BAG4: variants seen among roughly 807,000 people sequenced by gnomAD.
BAG4 encodes the protein BAG family molecular chaperone regulator 4.
Under a neutral mutation model 52.1 loss-of-function variants are expected in BAG4, and 28 were observed. The ratio of observed to expected loss-of-function variants is 0.54; its 90% CI spans 0.40 to 0.74. The LOEUF (loss-of-function observed/expected upper bound fraction) is 0.74, where lower values mean the gene tolerates loss of function less well. BAG4 is among the 30% of genes least tolerant of loss of function. BAG4 has a pLI of 0.00. For synonymous variants in BAG4, 208 were observed against 217.0 expected, an observed-to-expected ratio of 0.96 and a Z score of 0.37; for missense variants, 525 against 572.0, an observed-to-expected ratio of 0.92 and a Z score of 0.84.
chr8:38,186,120 G>A (rs947293180), intron 1 of BAG4, among the ~76,000 whole-genome samples: 2 of 152,112 alleles, frequency 1.3e-5, no homozygotes, highest in African/African-American at 4.8e-5. Flanking sequence ...TGTCACTGAG[G>A]CAAAATTCTA....
rs551837982 is a variant in BAG4, at chr8:38,211,972, C to G, written c.*1479C>G. 2 of 152,018 alleles carry G rather than the reference C, an allele frequency of 1.3e-5. No homozygotes were observed. The highest frequency in any genetic ancestry group is 2.9e-5 in the Non-Finnish European group (2 of 67,974). 9.4% of individuals were successfully genotyped at this position (152,018 alleles called of 1,614,324 possible). A position where few individuals can be genotyped will look rare whatever the true frequency, so the allele number is the denominator to read the frequency against. On this transcript the variant is annotated 3_prime_UTR_variant, in exon 5 of 5. Transcript: ENST00000287322. Reference sequence around the variant, plus strand: ...AGACTGTCAGGCCTATGAGTAAATACTAAATCTATTAGCTGTCCCCACTCA... The same window carrying G: ...AGACTGTCAGGCCTATGAGTAAATAGTAAATCTATTAGCTGTCCCCACTCA...
chr8:38,209,746 T>A (rs543222533), intron 4 of BAG4, among the ~76,000 whole-genome samples: 8 of 152,338 alleles, frequency 5.3e-5, no homozygotes, highest in African/African-American at 1.9e-4. Context: ...TATGAGGTGC[T>A]CATGGTGATG....
intron 1 of BAG4, among the ~76,000 whole-genome samples, chr8:38,181,363 A>G (rs1162227074): frequency 1.3e-5 from 2 of 150,690 alleles, no homozygotes; most frequent in African/African-American, 4.9e-5. Flanking sequence ...GCTCCCAAGT[A>G]GCTGGGATTA....
At chr8:38,198,088 A>T (rs1803593280) in intron 2 of BAG4, among the ~76,000 whole-genome samples, 1 of 152,086 alleles carries the variant, frequency 6.6e-6, no homozygotes, top group Non-Finnish European at 1.5e-5. Context: ...CAGCTGTACA[A>T]AAATGTTTCC....
intron 1 of BAG4, 68 bp from the exon 2 acceptor site, chr8:38,192,620 C>T (rs1012524459): frequency 1.8e-5 from 22 of 1,252,310 alleles, no homozygotes; most frequent in Admixed American, 8.8e-5. Flanking sequence ...TAACCTGCCT[C>T]TATCAATCTA....
intron 3 of BAG4, 105 bp from the exon 4 acceptor site, chr8:38,208,908 A>G: frequency 1.5e-6 from 2 of 1,317,170 alleles, no homozygotes; most frequent in Non-Finnish European, 2.1e-6. Context: ...CAGCTAATGT[A>G]TACTCTGTTA....
chr8:38,188,257 A>G (rs571918341), intron 1 of BAG4, among the ~76,000 whole-genome samples: 2 of 152,192 alleles, frequency 1.3e-5, no homozygotes, highest in East Asian at 3.9e-4. Flanking sequence ...AGCTATATCA[A>G]TAATATTAAA....
rs751591648 is a variant in BAG4 at position 38,210,325 on chromosome 8, A to G, written c.1206A>G (p.Gly402=). ...YLEQEVEEFV[G]KKTDKAYWLL... ...AACAAGAAGTAGAAGAATTTGTAGG[A>G]AAAAAGACAGACAAAGCATACTGGC... Residue 402 remains glycine, a synonymous_variant, in exon 5 of 5, where the codon GGA becomes GGG. Coordinates refer to ENST00000287322, the MANE Select transcript of BAG4 (RefSeq NM_004874.4). 2.5e-6 allele frequency: 4 copies of G among 1,614,180 alleles called. No homozygotes were observed. Among genetic ancestry groups the G allele is most frequent in the Admixed American group, 1.7e-5 (1 of 60,026 alleles).
intron 2 of BAG4, chr8:38,201,683 T>C (rs1803663533): frequency 6.6e-6 from 1 of 151,650 alleles, no homozygotes; most frequent in African/African-American, 2.4e-5. Flanking sequence ...CAGTATCATG[T>C]CTTTACCTTC....
rs1416398243 is a variant in BAG4 at position 38,192,698 on chromosome 8, C to T, written c.281C>T (p.Pro94Leu). Residue 94 changes from proline (P) to leucine (L), a missense_variant, in exon 2 of 5, where the codon CCA becomes CTA. This residue lies in a region of BAG4 where 287 missense variants were observed against 266.1 expected (regional missense o/e 1.08). Coordinates refer to ENST00000287322, the MANE Select transcript of BAG4 (RefSeq NM_004874.4). ...RAGGSHQEQP[P>L]YPSYNSNYWN... ...TTCTTTTTTTCTTAGGAGCAGCCAC[C>T]ATATCCTAGCTACAATTCTAACTAT... 1 of 1,609,648 alleles carries T rather than the reference C, an allele frequency of 6.2e-7. No individual in the cohort carries two copies. Among genetic ancestry groups the T allele is most frequent in the African/African-American group, 1.3e-5 (1 of 74,746 alleles).
At chr8:38,191,952 T>C (rs1361130384) in intron 1 of BAG4, among the ~76,000 whole-genome samples, 2 of 152,180 alleles carry the variant, frequency 1.3e-5, no homozygotes, top group Non-Finnish European at 1.5e-5. Flanking sequence ...GAAAGGCTGA[T>C]GAAATTATTG....
chr8:38,202,611 G>T (rs1363824718), intron 2 of BAG4, among the ~76,000 whole-genome samples: 1 of 147,192 alleles, frequency 6.8e-6, no homozygotes, highest in Non-Finnish European at 1.5e-5. Context: ...CATGATCACA[G>T]CTCACTGCAG....
intron 2 of BAG4, among the ~76,000 whole-genome samples, chr8:38,203,663 A>G (rs1803721795): frequency 6.6e-6 from 1 of 151,698 alleles, no homozygotes; most frequent in Admixed American, 6.6e-5. Context: ...ATTTTTTGTG[A>G]GTTTTTAGAA....
intron 1 of BAG4, among the ~76,000 whole-genome samples, chr8:38,181,320 C>T (rs921996391): frequency 1.4e-5 from 2 of 147,082 alleles, no homozygotes; most frequent in African/African-American, 5.0e-5. Flanking sequence ...CTGCAACCTC[C>T]ACCTCCCAGG....
intron 1 of BAG4, among the ~76,000 whole-genome samples, chr8:38,179,221 G>A (rs967980959): frequency 6.6e-6 from 1 of 151,904 alleles, no homozygotes. Flanking sequence ...ATGCAGTGGC[G>A]CAATCTCAGC....
chr8:38,196,306 T>C (rs929907686), intron 2 of BAG4, among the ~76,000 whole-genome samples: 2 of 152,152 alleles, frequency 1.3e-5, no homozygotes, highest in Non-Finnish European at 2.9e-5. Flanking sequence ...CCATCAGCAA[T>C]GTATGAGGGC....
chr8:38,199,553 T>C (rs1342640261), intron 2 of BAG4, among the ~76,000 whole-genome samples: 3 of 150,912 alleles, frequency 2.0e-5, no homozygotes, highest in Non-Finnish European at 2.9e-5. Flanking sequence ...AGGCAGAGTC[T>C]CGCTCTGTCG....
intron 1 of BAG4, among the ~76,000 whole-genome samples, chr8:38,187,541 TAA>T (rs1384877286): frequency 2.6e-5 from 4 of 152,298 alleles, no homozygotes; most frequent in Admixed American, 2.6e-4. Context: ...TCAGATTCTT[TAA>T]AAGACATTAT....
chr8:38,189,991 TA>T (rs1803446133), intron 1 of BAG4, among the ~76,000 whole-genome samples: 1 of 152,184 alleles, frequency 6.6e-6, no homozygotes, highest in Non-Finnish European at 1.5e-5. Flanking sequence ...TTCACCGTGT[TA>T]GCTAGGATGG....
Sources: allele counts gnomAD v4.1 joint callset (sites outside exome capture counted in the v4.1 genomes callset), GRCh38; gene constraint gnomAD v4.1.1; regional missense constraint gnomAD v4.1.1; transcripts MANE v1.5; gene names NCBI Gene and HGNC (gene_info 2026-07-23, HGNC 2026-07-21).